Variants in RNF168 observed in about 807,000 individuals in gnomAD.
The protein encoded by RNF168 is E3 ubiquitin-protein ligase RNF168.
Under a neutral mutation model 34.9 loss-of-function variants are expected in RNF168, and 34 were observed. The ratio of observed to expected loss-of-function variants is 0.97; its 90% CI spans 0.74 to 1.30. The LOEUF is 1.30. Ranked by LOEUF, RNF168 falls within the 50% of genes most tolerant of loss-of-function variation. The pLI is 0.00. For synonymous variants in RNF168, 264 were observed against 254.7 expected, an observed-to-expected ratio of 1.04 and a Z score of -0.35; for missense variants, 725 against 682.5, an observed-to-expected ratio of 1.06 and a Z score of -0.69.
chr3:196,491,174 G>A (rs965359572), intron 1 of RNF168, among the ~76,000 whole-genome samples: 6 of 152,072 alleles, frequency 3.9e-5, no homozygotes, highest in Admixed American at 2.0e-4. Context: ...TTAGCCAGGC[G>A]TGGTGGCACG....
intron 4 of RNF168, among the ~76,000 whole-genome samples, chr3:196,478,490 C>A (rs188966487): frequency 1.4e-3 from 218 of 152,314 alleles, no homozygotes; most frequent in African/African-American, 5.1e-3. Flanking sequence ...CGACATGTGG[C>A]TCCACGGGAG....
rs1241579487 is a variant in RNF168, at chr3:196,487,576, C to T, written c.381G>A (p.Val127=). ...RREYEEEISK[V]AAERRASEEE... is the part of the protein sequence containing the mutation. ...CCTCGCTGGCCCGTCGCTCTGCCGCCACCTTAAAAGTGATTAATAAAGAGC... is the reference window on the plus strand; with the variant it reads ...CCTCGCTGGCCCGTCGCTCTGCCGCTACCTTAAAAGTGATTAATAAAGAGC... The change falls in exon 3 of 6, where the codon GTG becomes GTA. Residue 127 remains valine, a splice_region_variant and synonymous_variant. Coordinates refer to ENST00000318037, the MANE Select transcript of RNF168 (RefSeq NM_152617.4). The T allele has an allele frequency of 2.5e-6, 4 of 1,613,970 alleles. No individual in the cohort carries two copies. The Admixed American group carries it at 5.0e-5, about 20-fold the overall frequency.
intron 4 of RNF168, among the ~76,000 whole-genome samples, chr3:196,480,042 CA>C (rs1732249303): frequency 7.3e-6 from 1 of 137,304 alleles, no homozygotes; most frequent in African/African-American, 2.9e-5. Context: ...AGGGAAAGGG[CA>C]CAAGCAAACC....
At chr3:196,475,725 T>C (rs901255280) in intron 4 of RNF168, among the ~76,000 whole-genome samples, 1 of 151,210 alleles carries the variant, frequency 6.6e-6, no homozygotes, top group African/African-American at 2.4e-5. Context: ...TAATATTTTG[T>C]ATTTTTAGTA....
chr3:196,486,496 G>A (rs1245774161), intron 3 of RNF168, among the ~76,000 whole-genome samples: 1 of 151,878 alleles, frequency 6.6e-6, no homozygotes, highest in East Asian at 1.9e-4. Context: ...ATCACACTCG[G>A]CTCATTATTA....
chr3:196,483,793 T>C lies in RNF168; in HGVS notation c.657A>G (p.Gln219=). The change falls in exon 4 of 6, where the codon CAA becomes CAG. Residue 219 remains glutamine (Q), a synonymous_variant. Coordinates refer to ENST00000318037, the MANE Select transcript of RNF168 (RefSeq NM_152617.4). ...ACTTCTGAATATCTCCAGTGTTTCT[T>C]TGTTTGTTCTTACTTTTCTTTTCAG... is the stretch of plus-strand genomic sequence containing the variant. ...PKSEKKSKNK[Q]RNTGDIQKYL... is the part of the protein sequence containing the mutation. 1.2e-6 allele frequency: 2 copies of C among 1,611,886 alleles called. No homozygotes were observed. Among genetic ancestry groups the C allele is most frequent in the Non-Finnish European group, 1.7e-6 (2 of 1,178,038 alleles).
In RNF168 at chr3:196,471,807, C is replaced by T. The variant is rs953263152; in HGVS notation, c.*12G>A. 6.4e-7 allele frequency: 1 copy of T among 1,558,856 alleles called. No individual in the cohort carries two copies. On this transcript the variant is annotated 3_prime_UTR_variant, in exon 6 of 6. Transcript: ENST00000318037. ...GCTTTACTAGATCACAAAGCACTCC[C>T]TTTACCAGGCCTTACTTTGTGCATC...
chr3:196,475,790 T>A (rs1185921543), intron 4 of RNF168, among the ~76,000 whole-genome samples: 2 of 151,816 alleles, frequency 1.3e-5, no homozygotes, highest in Non-Finnish European at 2.9e-5. Context: ...GACCTCGTGA[T>A]CCGCCTGCCT....
chr3:196,481,682 G>GGTTT (rs1577512919), intron 4 of RNF168, among the ~76,000 whole-genome samples: 3 of 62,362 alleles, frequency 4.8e-5, no homozygotes, highest in African/African-American at 1.9e-4. Flanking sequence ...TTTCAGCTGC[G>GGTTT]TTTTTTTTTT....
intron 5 of RNF168, among the ~76,000 whole-genome samples, chr3:196,473,062 T>C (rs1355901786): frequency 6.6e-6 from 1 of 152,190 alleles, no homozygotes; most frequent in Non-Finnish European, 1.5e-5. Context: ...AGTATTTTTA[T>C]TTCATGGGCA....
intron 1 of RNF168, among the ~76,000 whole-genome samples, chr3:196,493,858 T>A (rs1475503648): frequency 2.3e-4 from 33 of 146,578 alleles, no homozygotes; most frequent in East Asian, 3.9e-4. Context: ...TAAATTTATT[T>A]TTTTTTTTTT....
chr3:196,469,876 C>G lies in RNF168; in HGVS notation c.*1943G>C, dbSNP rs1320008540. ...CCATTTTTTTCTGGAATAGCAGATG[C>G]ATAGAAATGCAGGTTTCCAAAAATT... is the stretch of plus-strand genomic sequence containing the variant. On this transcript the variant is annotated 3_prime_UTR_variant, in exon 6 of 6. Transcript: ENST00000318037. The G allele has an allele frequency of 1.3e-5, 2 of 152,328 alleles. No homozygotes were observed. The highest frequency in any genetic ancestry group is 3.9e-4 in the East Asian group (2 of 5,190). 9.4% of individuals were successfully genotyped at this position (152,328 alleles called of 1,614,324 possible).
chr3:196,501,528 CAG>C (rs1448233057), intron 1 of RNF168, among the ~76,000 whole-genome samples: 1 of 151,884 alleles, frequency 6.6e-6, no homozygotes, highest in South Asian at 2.1e-4. Flanking sequence ...TTCATAGAGA[CAG>C]AAAGTGGAAT....
At chr3:196,475,853 TA>T (rs1203073922) in intron 4 of RNF168, among the ~76,000 whole-genome samples, 1 of 90,572 alleles carries the variant, frequency 1.1e-5, no homozygotes, top group African/African-American at 3.6e-5. Context: ...CCCGGCTAAA[TA>T]TTTTTTTTTC....
chr3:196,476,683 TG>T (rs549862367), intron 4 of RNF168, among the ~76,000 whole-genome samples: 118 of 152,118 alleles, frequency 7.8e-4, no homozygotes, highest in South Asian at 1.7e-3. Flanking sequence ...CCCAAAGTGC[TG>T]GGATAACATG....
chr3:196,477,508 T>C (rs73891249), intron 4 of RNF168, among the ~76,000 whole-genome samples: 5,766 of 152,320 alleles, frequency 0.038, 360 homozygotes, highest in African/African-American at 0.13. Flanking sequence ...ATATTTACTC[T>C]GTTAACTTTG....
chr3:196,481,926 A>T (rs1732301450), intron 4 of RNF168, among the ~76,000 whole-genome samples: 1 of 148,496 alleles, frequency 6.7e-6, no homozygotes, highest in Admixed American at 6.7e-5. Context: ...AGCCTCCCAA[A>T]GTGCTGGGAT....
At chr3:196,491,852 G>A (rs370381605) in intron 1 of RNF168, among the ~76,000 whole-genome samples, 28 of 152,150 alleles carry the variant, frequency 1.8e-4, no homozygotes, top group African/African-American at 6.5e-4. Flanking sequence ...GGACCTTCAA[G>A]ACACTACGCT....
chr3:196,503,423 T>A lies in RNF168; in HGVS notation c.-250A>T. 1 of 527,406 alleles carries A rather than the reference T, an allele frequency of 1.9e-6. No individual in the cohort carries two copies. The highest frequency in any genetic ancestry group is 3.4e-6 in the Non-Finnish European group (1 of 291,786). The allele number at this position is 527,406 out of a possible 1,614,324, so 32.7% of individuals were successfully genotyped here. On this transcript the variant is annotated 5_prime_UTR_variant, in exon 1 of 6. Coordinates refer to ENST00000318037, the MANE Select transcript of RNF168 (RefSeq NM_152617.4). ...TCAAGGCAAACGTCCCGCCAGCAAA[T>A]AAATGCAGGTTTTCGTCGGAGGAGC...
Sources: allele counts gnomAD v4.1 joint callset (sites outside exome capture counted in the v4.1 genomes callset), GRCh38; gene constraint gnomAD v4.1.1; transcripts MANE v1.5; gene names NCBI Gene and HGNC (gene_info 2026-07-23, HGNC 2026-07-21).